The following EFR3B variants were observed in gnomAD, a reference collection of about 807,000 sequenced individuals.
The protein encoded by EFR3B is protein EFR3 homolog B.
In EFR3B, 64 loss-of-function variants were observed where a neutral mutation model predicts 104.7. The ratio of observed to expected loss-of-function variants is 0.61; its 90% CI spans 0.50 to 0.75. The LOEUF (loss-of-function observed/expected upper bound fraction) is 0.75. Among genes scored for constraint, EFR3B ranks in the 30% least tolerant of loss-of-function variants. EFR3B has a pLI of 0.00. For missense variants in EFR3B, 750 were observed against 1,078.5 expected, an observed-to-expected ratio of 0.70 and a Z score of 4.27; for synonymous variants, 385 against 417.9, an observed-to-expected ratio of 0.92 and a Z score of 0.96.
chr2:25,054,425 G>A (rs1185949002), intron 1 of EFR3B, among the ~76,000 whole-genome samples: 2 of 151,762 alleles, frequency 1.3e-5, no homozygotes, highest in East Asian at 1.9e-4. Flanking sequence ...AGGTTCAAGC[G>A]ATTCTCCTGC....
At chr2:25,152,676 T>C (rs1671044841) in intron 21 of EFR3B, among the ~76,000 whole-genome samples, 4 of 152,158 alleles carry the variant, frequency 2.6e-5, no homozygotes, top group Admixed American at 2.6e-4. Context: ...ATTGATTCTA[T>C]GCCGGGATTT....
chr2:25,072,011 A>G (rs1249023943), intron 1 of EFR3B, among the ~76,000 whole-genome samples: 9 of 152,210 alleles, frequency 5.9e-5, no homozygotes, highest in African/African-American at 2.2e-4. Context: ...GCTGGTCTCA[A>G]ATCTCGCACA....
chr2:25,154,640 G>A lies in EFR3B; in HGVS notation c.*300G>A. 1 of 332,326 alleles carries A rather than the reference G, an allele frequency of 3.0e-6. No individual in the cohort carries two copies. The highest frequency in any genetic ancestry group is 5.4e-6 in the Non-Finnish European group (1 of 183,738). The allele number at this position is 332,326 out of a possible 1,614,324, so 20.6% of individuals were successfully genotyped here. A position where few individuals can be genotyped will look rare whatever the true frequency, so the allele number is the denominator to read the frequency against. On this transcript the variant is annotated 3_prime_UTR_variant, in exon 23 of 23. Transcript: ENST00000403714. The surrounding 1 kb of genome is among the most constrained non-coding windows in gnomAD (Gnocchi z 4.1). ...GTCTCTCAGGAGAAGCCGGGGGGAG[G>A]GGGCTGAGAAGCTCCTACTTGGTGT...
chr2:25,138,368 G>T (rs907398340), intron 15 of EFR3B, among the ~76,000 whole-genome samples: 1 of 152,144 alleles, frequency 6.6e-6, no homozygotes, highest in African/African-American at 2.4e-5. Context: ...AGGGCTTGAG[G>T]CTTTCATGGT....
At chr2:25,093,617 A>C (rs991284659) in intron 3 of EFR3B, among the ~76,000 whole-genome samples, 1 of 152,074 alleles carries the variant, frequency 6.6e-6, no homozygotes, top group Non-Finnish European at 1.5e-5. Flanking sequence ...GCTGCTGCTG[A>C]GGTTTGGGAA....
At chr2:25,142,576 C>G (rs1670698412) in intron 17 of EFR3B, among the ~76,000 whole-genome samples, 1 of 150,508 alleles carries the variant, frequency 6.6e-6, no homozygotes, top group South Asian at 2.1e-4. Context: ...CTGGCCAACA[C>G]AGTAAAACCC....
chr2:25,149,719 A>G lies in EFR3B; in HGVS notation c.2168A>G (p.Tyr723Cys). The change falls in exon 20 of 23, where the codon TAT becomes TGT. Residue 723 changes from tyrosine to cysteine, a missense_variant. Tyr to Cys is a radical substitution (Grantham distance 194). Transcript: ENST00000403714. Reference protein sequence around the residue: ...EERVPAEEITYETLKKAIVDS... With the variant: ...EERVPAEEITCETLKKAIVDS... Reference sequence around the variant, plus strand: ...CGAGTGCCTGCCGAGGAGATCACCTATGAGACACTGAAGAAAGCCATTGGT... The same window carrying G: ...CGAGTGCCTGCCGAGGAGATCACCTGTGAGACACTGAAGAAAGCCATTGGT... The G allele has an allele frequency of 1.3e-6, 2 of 1,551,526 alleles. No individual in the cohort carries two copies. Among genetic ancestry groups the G allele is most frequent in the South Asian group, 1.2e-5 (1 of 84,058 alleles).
chr2:25,101,421 C>A (rs1573203426), intron 3 of EFR3B, among the ~76,000 whole-genome samples: 1 of 152,282 alleles, frequency 6.6e-6, no homozygotes, highest in South Asian at 2.1e-4. Flanking sequence ...TCAATCATGG[C>A]TCACTGCAGC....
At chr2:25,123,505 T>G (rs1381564966) in intron 5 of EFR3B, among the ~76,000 whole-genome samples, 1 of 152,158 alleles carries the variant, frequency 6.6e-6, no homozygotes, top group Non-Finnish European at 1.5e-5. Flanking sequence ...AAGCCAGGTG[T>G]GGACTCTGCA....
At chr2:25,095,044 G>C (rs1208827529) in intron 3 of EFR3B, among the ~76,000 whole-genome samples, 2 of 152,138 alleles carry the variant, frequency 1.3e-5, no homozygotes, top group Admixed American at 6.5e-5. Context: ...TCCCGCCTCA[G>C]CCTGCCAAAG....
Position 25,130,216 on chromosome 2 carries a change from T to C in EFR3B, c.770+107T>C, listed in dbSNP as rs1421644867. ...GGGGAAGGGGATATTACAGTTGTGG[T>C]GCCGCAGCCGAGTCGATCCCTTCCC... On this transcript the variant is annotated intron_variant, in intron 7 of 22. Coordinates refer to ENST00000403714, the MANE Select transcript of EFR3B (RefSeq NM_014971.2). This position sits in a 1 kb window ranked among gnomAD's most constrained non-coding sequence, Gnocchi z 4.6. 2 of 1,475,548 alleles carry C rather than the reference T, an allele frequency of 1.4e-6. No homozygotes were observed. The highest frequency in any genetic ancestry group is 1.8e-6 in the Non-Finnish European group (2 of 1,095,336). 91.4% of individuals were successfully genotyped at this position (1,475,548 alleles called of 1,614,324 possible).
chr2:25,079,971 C>A, intron 1 of EFR3B: 1 of 1,131,158 alleles, frequency 8.8e-7, no homozygotes, highest in Non-Finnish European at 1.3e-6. Flanking sequence ...AGAGAGCCTT[C>A]TGAACGTTCT....
At chr2:25,112,850 T>G (rs544012291) in intron 4 of EFR3B, among the ~76,000 whole-genome samples, 3 of 152,358 alleles carry the variant, frequency 2.0e-5, no homozygotes, top group African/African-American at 7.2e-5. Flanking sequence ...ACTATAGTTC[T>G]GTCACTGACA....
intron 16 of EFR3B, among the ~76,000 whole-genome samples, chr2:25,139,557 T>G (rs567581308): frequency 6.6e-6 from 1 of 152,198 alleles, no homozygotes; most frequent in Non-Finnish European, 1.5e-5. Flanking sequence ...TCATGCAGAC[T>G]ACAGCTATGA....
At chr2:25,073,662 T>C (rs1162821811) in intron 1 of EFR3B, among the ~76,000 whole-genome samples, 2 of 152,110 alleles carry the variant, frequency 1.3e-5, no homozygotes, top group African/African-American at 4.8e-5. Context: ...ATGTAATGAT[T>C]CTCCGGAATG....
chr2:25,098,831 ATTTTT>A (rs11416666), intron 3 of EFR3B, among the ~76,000 whole-genome samples: 3 of 83,812 alleles, frequency 3.6e-5, no homozygotes, highest in African/African-American at 5.2e-5. Context: ...TAAGTAGCCA[ATTTTT>A]TTTTTTTTTT....
chr2:25,071,823 CA>C (rs2149174932), intron 1 of EFR3B, among the ~76,000 whole-genome samples: 1 of 152,338 alleles, frequency 6.6e-6, no homozygotes, highest in South Asian at 2.1e-4. Context: ...CCTTTGTTTA[CA>C]AACATCCTGG....
At chr2:25,076,353 A>C (rs1438771242) in intron 1 of EFR3B, among the ~76,000 whole-genome samples, 1 of 152,206 alleles carries the variant, frequency 6.6e-6, no homozygotes, top group African/African-American at 2.4e-5. Context: ...TTATCATAGT[A>C]ATACTGATGA....
chr2:25,108,434 CTAATA>C (rs928681327), intron 4 of EFR3B, among the ~76,000 whole-genome samples: 4 of 152,180 alleles, frequency 2.6e-5, no homozygotes, highest in East Asian at 1.9e-4. Flanking sequence ...CATAAACAAT[CTAATA>C]TATTAGCCTA....
Sources: gnomAD v4.1 joint callset for allele counts (sites outside exome capture counted in the v4.1 genomes callset) on GRCh38, gnomAD v4.1.1 for gene constraint, Gnocchi (gnomAD v3.1) non-coding constraint, MANE v1.5 for transcripts, NCBI Gene and HGNC (gene_info 2026-07-23, HGNC 2026-07-21) for gene names.